BCAR1: variants seen among roughly 807,000 people sequenced by gnomAD.
The protein encoded by BCAR1 is breast cancer anti-estrogen resistance protein 1.
Under a neutral mutation model 67.6 loss-of-function variants are expected in BCAR1, and 30 were observed. The ratio of observed to expected loss-of-function variants is 0.44; its 90% CI spans 0.33 to 0.60. The LOEUF (loss-of-function observed/expected upper bound fraction) is 0.60. Among genes scored for constraint, BCAR1 ranks in the 20% least tolerant of loss-of-function variants. BCAR1 has a pLI of 0.02. For synonymous variants in BCAR1, 626 were observed against 556.7 expected, an observed-to-expected ratio of 1.12 and a Z score of -1.75; for missense variants, 1,313 against 1,222.3, an observed-to-expected ratio of 1.07 and a Z score of -1.11.
chr16:75,252,662 A>G (rs572731830), upstream of BCAR1, among the ~76,000 whole-genome samples: 2 of 152,370 alleles, frequency 1.3e-5, no homozygotes, highest in East Asian at 3.9e-4. Flanking sequence ...GCCACGAGGC[A>G]GCCCTGGTGG....
chr16:75,250,834 C>A (rs2077658856), intron 1 of BCAR1: 1 of 985,406 alleles, frequency 1.0e-6, no homozygotes, highest in South Asian at 4.7e-5. Flanking sequence ...CTCCTGTGGC[C>A]AGGACCCGGC....
At chr16:75,264,309 T>C in intron 1 of BCAR1, 1 of 1,436,434 alleles carries the variant, frequency 7.0e-7, no homozygotes, top group Middle Eastern at 1.9e-4. Flanking sequence ...GGCTGGGATG[T>C]GGCCAGAGTG....
intron 5 of BCAR1, among the ~76,000 whole-genome samples, 199 bp downstream of exon 5, chr16:75,234,690 C>G (rs891920088): frequency 6.6e-6 from 1 of 152,220 alleles, no homozygotes; most frequent in Non-Finnish European, 1.5e-5. Flanking sequence ...CCAGAGATAC[C>G]AGCCCGAGGG....
chr16:75,263,501 C>T, intron 1 of BCAR1: 1 of 985,478 alleles, frequency 1.0e-6, no homozygotes, highest in Non-Finnish European at 1.2e-6. Context: ...GCAGGGACGC[C>T]CTGGCTCCTT....
In BCAR1 at chr16:75,235,666, C is replaced by T. The variant is rs145903338; in HGVS notation, c.1233G>A (p.Ala411=). 1,158 of 1,611,244 alleles carry T rather than the reference C, an allele frequency of 7.2e-4. 5 individuals carry two copies. The African/African-American group carries it at 8.8e-3, about 12-fold the overall frequency. ...CTTCACGTTCAGCTGGGGGAGGCACCGCATACACACCACTGTCGACCACGC... is the reference window on the plus strand; with the variant it reads ...CTTCACGTTCAGCTGGGGGAGGCACTGCATACACACCACTGTCGACCACGC... ...DGGVVDSGVY[A]VPPPAEREAP... is the part of the protein sequence containing the mutation. Residue 411 remains alanine, a synonymous_variant, in exon 5 of 7, where the codon GCG becomes GCA. Coordinates refer to ENST00000162330, the MANE Select transcript of BCAR1 (RefSeq NM_014567.5).
chr16:75,238,567 C>A (rs550735108), intron 2 of BCAR1: 1 of 988,922 alleles, frequency 1.0e-6, no homozygotes. Context: ...GGCGCCAGCA[C>A]CCCCCAGCAG....
intron 1 of BCAR1, among the ~76,000 whole-genome samples, chr16:75,267,409 G>A (rs1395946193): frequency 6.8e-6 from 1 of 147,418 alleles, no homozygotes; most frequent in African/African-American, 2.6e-5. Context: ...GGGGGGTGGG[G>A]GGCCTGGACC....
At chr16:75,252,053 G>A (rs2077694115), upstream of BCAR1, among the ~76,000 whole-genome samples, 1 of 152,156 alleles carries the variant, frequency 6.6e-6, no homozygotes, top group Admixed American at 6.5e-5. Context: ...ATGGGCCGTG[G>A]GACTCAAATC....
At chr16:75,252,647 G>A (rs1365356216), upstream of BCAR1, among the ~76,000 whole-genome samples, 6 of 152,236 alleles carry the variant, frequency 3.9e-5, no homozygotes, top group African/African-American at 1.4e-4. Context: ...GCTGAGCAAT[G>A]GGATGCCACG....
At chr16:75,255,951 A>G (rs1228263023), upstream of BCAR1, among the ~76,000 whole-genome samples, 1 of 152,252 alleles carries the variant, frequency 6.6e-6, no homozygotes, top group Non-Finnish European at 1.5e-5. Flanking sequence ...AGATGGTGCC[A>G]TTGCACTCCA....
intron 6 of BCAR1, among the ~76,000 whole-genome samples, chr16:75,232,697 C>G (rs1159238137): frequency 1.3e-5 from 2 of 152,170 alleles, no homozygotes; most frequent in African/African-American, 4.8e-5. Flanking sequence ...CCCCTGCCAC[C>G]CTGCCACCGT....
At chr16:75,263,505 G>A in intron 1 of BCAR1, 3 of 985,504 alleles carry the variant, frequency 3.0e-6, no homozygotes, top group African/African-American at 1.7e-5. Flanking sequence ...GGACGCCCTG[G>A]CTCCTTCCCC....
At chr16:75,254,735 G>A (rs1388973860), upstream of BCAR1, among the ~76,000 whole-genome samples, 1 of 152,198 alleles carries the variant, frequency 6.6e-6, no homozygotes, top group Non-Finnish European at 1.5e-5. Flanking sequence ...GTCATCCCAG[G>A]AGTGGCCTGG....
upstream of BCAR1, chr16:75,251,984 T>G (rs1192884411): frequency 6.6e-6 from 4 of 608,688 alleles, no homozygotes; most frequent in East Asian, 5.7e-5. Flanking sequence ...AGCCGAGACA[T>G]GGCCTCAAGT....
chr16:75,238,758 C>T (rs2077230725), intron 2 of BCAR1: 1 of 985,430 alleles, frequency 1.0e-6, no homozygotes, highest in African/African-American at 1.7e-5. Context: ...GCGCCCCAGA[C>T]TTGAGTCTCC....
In BCAR1 at chr16:75,233,879, C is replaced by T. The variant is rs767846569; in HGVS notation, c.2067G>A (p.Thr689=). 43 of 1,610,220 alleles carry T rather than the reference C, an allele frequency of 2.7e-5. No homozygotes were observed. In the South Asian group the frequency reaches 2.9e-4, roughly 11 times the overall value. ...QKELLEKGSI[T]RQGKSQLELQ... is the part of the protein sequence containing the mutation. Reference sequence around the variant, plus strand: ...ACTCCAGCTGGCTCTTGCCCTGCCGCGTGATGCTGCCCTTTTCCAGCAGCT... The same window carrying T: ...ACTCCAGCTGGCTCTTGCCCTGCCGTGTGATGCTGCCCTTTTCCAGCAGCT... The change falls in exon 6 of 7, where the codon ACG becomes ACA. Residue 689 remains threonine, a synonymous_variant. Transcript: ENST00000162330.
chr16:75,256,355 TCTGA>T (rs1459466529), upstream of BCAR1: 1 of 152,342 alleles, frequency 6.6e-6, no homozygotes, highest in Non-Finnish European at 1.5e-5. Context: ...CAGTAGTGGC[TCTGA>T]CTGTGGGAAG....
In BCAR1 at chr16:75,229,657, G is replaced by A. The variant is rs2076822552; in HGVS notation, c.2467C>T (p.Leu823=). The A allele has an allele frequency of 4.3e-6, 7 of 1,612,724 alleles. No individual in the cohort carries two copies. The highest frequency in any genetic ancestry group is 5.1e-6 in the Non-Finnish European group (6 of 1,179,954). ...THYSNLLCDL[L]RGIVATTKAA... Reference sequence around the variant, plus strand: ...TTGGTGGTGGCCACGATGCCGCGCAGGAGGTCGCACAGCAGGTTGCTGTAG... The same window carrying A: ...TTGGTGGTGGCCACGATGCCGCGCAAGAGGTCGCACAGCAGGTTGCTGTAG... The change falls in exon 7 of 7, where the codon CTG becomes TTG. Residue 823 remains leucine, a synonymous_variant. Transcript: ENST00000162330.
At chr16:75,263,388 C>T in intron 1 of BCAR1, 1 of 985,444 alleles carries the variant, frequency 1.0e-6, no homozygotes, top group African/African-American at 1.7e-5. Flanking sequence ...GCCCAGAGCG[C>T]TGGGCGAGAG....
Sources: gnomAD v4.1 joint callset for allele counts (sites outside exome capture counted in the v4.1 genomes callset) on GRCh38, gnomAD v4.1.1 for gene constraint, MANE v1.5 for transcripts, NCBI Gene and HGNC (gene_info 2026-07-23, HGNC 2026-07-21) for gene names.